ZNF254: variants seen among roughly 807,000 people sequenced by gnomAD.
ZNF254 encodes CTD-2017D11.1.
A neutral mutation model predicts 12.4 loss-of-function variants in ZNF254; 10 were observed. The observed-to-expected ratio is 0.80, with a 90% CI of 0.50 to 1.36. ZNF254 has a LOEUF of 1.36. ZNF254 is among the 40% of genes most tolerant of loss of function. ZNF254 has a pLI of 0.00. For missense variants in ZNF254, 996 were observed against 763.9 expected (o/e 1.30, Z -3.58); for synonymous variants, 305 against 253.4 (o/e 1.20, Z -1.93).
upstream of ZNF254, among the ~76,000 whole-genome samples, chr19:24,085,964 T>G (rs113727469): frequency 6.6e-6 from 1 of 152,128 alleles, no homozygotes; most frequent in African/African-American, 2.4e-5. Flanking sequence ...CCCAGTAATT[T>G]GGGAGGCTGA....
Position 24,057,404 on chromosome 19 carries a change from G to A in ZNF254, c.-94+11125G>A, listed in dbSNP as rs182250785. ...ATATCTGGACCCAGTCATTATAGAG[G>A]TGTTAACTCTCATATCTGGGCATAG... On this transcript the variant is annotated intron_variant, in intron 2 of 4. Transcript: ENST00000613065. Among the ~76,000 whole-genome samples the A allele has an allele frequency of 2.5e-3, 375 of 152,270 alleles. 2 individuals carry two copies. Among genetic ancestry groups the A allele is most frequent in the Admixed American group, 0.01 (155 of 15,290 alleles).
chr19:24,087,117 C>A, upstream of ZNF254: 1 of 609,922 alleles, frequency 1.6e-6, no homozygotes, highest in Non-Finnish European at 2.9e-6. Flanking sequence ...CAACTAGGGA[C>A]GTTGGGCTGG....
intron 2 of ZNF254, chr19:24,049,561 T>G (rs1970567223): frequency 6.6e-6 from 1 of 152,146 alleles, no homozygotes; most frequent in Non-Finnish European, 1.5e-5. Context: ...AATGTAACTA[T>G]TCCACTGCCT....
intron 2 of ZNF254, among the ~76,000 whole-genome samples, chr19:24,075,477 C>T (rs1356631036): frequency 6.6e-6 from 1 of 152,114 alleles, no homozygotes; most frequent in East Asian, 1.9e-4. Context: ...TTCCACGATG[C>T]CCCCGAGCCG....
chr19:24,064,153 T>G (rs1971182443), intron 2 of ZNF254, among the ~76,000 whole-genome samples: 2 of 152,130 alleles, frequency 1.3e-5, no homozygotes, highest in Admixed American at 1.3e-4. Context: ...GTGGGAATTG[T>G]GATATGCCAC....
upstream of ZNF254, among the ~76,000 whole-genome samples, chr19:24,085,079 G>A (rs1017195827): frequency 3.3e-5 from 5 of 151,244 alleles, no homozygotes; most frequent in East Asian, 3.9e-4. Flanking sequence ...CTACAGGCAC[G>A]CGCCACCACG....
chr19:24,118,015 G>C (rs1974219512), intron 3 of ZNF254, among the ~76,000 whole-genome samples: 1 of 149,996 alleles, frequency 6.7e-6, no homozygotes, highest in African/African-American at 2.4e-5. Context: ...GTGCATCCTT[G>C]TTTTCCACCA....
chr19:24,083,846 G>A (rs112935855), upstream of ZNF254, among the ~76,000 whole-genome samples: 2 of 152,022 alleles, frequency 1.3e-5, no homozygotes, highest in East Asian at 1.9e-4. Context: ...ATGCATGTTC[G>A]CATGGTTTTG....
chr19:24,118,002 T>C (rs912554070), intron 3 of ZNF254, among the ~76,000 whole-genome samples: 2 of 152,030 alleles, frequency 1.3e-5, no homozygotes, highest in African/African-American at 2.4e-5. Flanking sequence ...AATAAAATAG[T>C]ATGTGCATCC....
At chr19:24,114,310 G>C (rs1184084853) in intron 3 of ZNF254, among the ~76,000 whole-genome samples, 1 of 146,568 alleles carries the variant, frequency 6.8e-6, no homozygotes, top group Admixed American at 6.9e-5. Flanking sequence ...AAACAGCATG[G>C]TACTGGTACG....
intron 3 of ZNF254, among the ~76,000 whole-genome samples, chr19:24,117,308 A>G (rs1974151674): frequency 6.6e-6 from 1 of 152,174 alleles, no homozygotes; most frequent in African/African-American, 2.4e-5. Flanking sequence ...TGGAGCCTAC[A>G]GAGGCAGGCA....
chr19:24,033,462 T>C lies in ZNF254; in HGVS notation c.-349T>C, dbSNP rs181893032. The stretch of plus-strand genomic sequence containing the variant: ...TTTCCGGCATTTGGCTGGGCCTTTG[T>C]CTCTCGCTCCCACCAGAGCTTGGAA... On this transcript the variant is annotated 5_prime_UTR_variant, in exon 1 of 5. Transcript: ENST00000613065. 2.1e-3 allele frequency: 373 copies of C among 179,140 alleles called. 1 individual carries two copies. The highest frequency in any genetic ancestry group is 5.3e-3 in the Middle Eastern group (2 of 376). 11.1% of individuals were successfully genotyped at this position (179,140 alleles called of 1,614,324 possible).
intron 2 of ZNF254, among the ~76,000 whole-genome samples, chr19:24,063,346 G>A (rs570213490): frequency 8.5e-4 from 129 of 152,148 alleles, no homozygotes; most frequent in Non-Finnish European, 1.6e-3. Context: ...CCATATCACC[G>A]GGCCCATACC....
At position 24,049,184 on chromosome 19, in the gene ZNF254, T is replaced by TTATATA. The variant is rs1159690517; in HGVS notation, c.-94+2931_-94+2936dup. ...TTGCTATGTTTTTCAGGCTCTGGTT[T>TTATATA]TATATATATATATATATATATATAT... On this transcript the variant is annotated intron_variant, in intron 2 of 4. Transcript: ENST00000613065. Among the ~76,000 whole-genome samples, 264 of 63,070 alleles carry TTATATA rather than the reference T, an allele frequency of 4.2e-3. 2 individuals carry two copies. Among genetic ancestry groups the TTATATA allele is most frequent in the East Asian group, 8.2e-3 (13 of 1,584 alleles). 41.4% of individuals were successfully genotyped at this position (63,070 alleles called of 152,430 possible).
intron 2 of ZNF254, among the ~76,000 whole-genome samples, chr19:24,075,912 G>C (rs1164808039): frequency 6.6e-6 from 1 of 152,172 alleles, no homozygotes; most frequent in Non-Finnish European, 1.5e-5. Flanking sequence ...CTGAGAAAAA[G>C]AATTCAGTGA....
At chr19:24,063,276 GACAT>G (rs1971144054) in intron 2 of ZNF254, among the ~76,000 whole-genome samples, 1 of 152,294 alleles carries the variant, frequency 6.6e-6, no homozygotes, top group Non-Finnish European at 1.5e-5. Flanking sequence ...AGTGTCATGT[GACAT>G]ACATCTTAGC....
At chr19:24,043,051 C>A (rs1265001321) in intron 1 of ZNF254, among the ~76,000 whole-genome samples, 2 of 151,900 alleles carry the variant, frequency 1.3e-5, no homozygotes, top group African/African-American at 4.8e-5. Flanking sequence ...CTTTGGAGAA[C>A]AAATCTCATT....
intron 2 of ZNF254, among the ~76,000 whole-genome samples, chr19:24,070,633 T>C (rs531103032): frequency 6.6e-6 from 1 of 152,330 alleles, no homozygotes; most frequent in East Asian, 1.9e-4. Flanking sequence ...CTCTCATACC[T>C]AGAATGGGAA....
At chr19:24,064,025 G>A (rs1473741267) in intron 2 of ZNF254, 1 of 152,196 alleles carries the variant, frequency 6.6e-6, no homozygotes, top group African/African-American at 2.4e-5. Flanking sequence ...TATTGGTGGG[G>A]CAAGCAAAAC....
Sources: gnomAD v4.1 joint callset for allele counts (sites outside exome capture counted in the v4.1 genomes callset) on GRCh38, gnomAD v4.1.1 for gene constraint, MANE v1.5 for transcripts, NCBI Gene and HGNC (gene_info 2026-07-23, HGNC 2026-07-21) for gene names.